Variants in IRAK1 observed in about 807,000 individuals in gnomAD.
IRAK1 encodes the protein interleukin-1 receptor-associated kinase 1.
A neutral mutation model predicts 49.8 loss-of-function variants in IRAK1; 9 were observed. The ratio of observed to expected loss-of-function variants is 0.18; its 90% CI spans 0.11 to 0.32. The LOEUF is 0.32. IRAK1 is among the 10% of genes least tolerant of loss of function. The pLI, the probability that IRAK1 is intolerant of heterozygous loss-of-function variation, is 1.00. For synonymous variants in IRAK1, 282 were observed against 270.8 expected (o/e 1.04, Z -0.41); for missense variants, 418 against 600.5 (o/e 0.70, Z 3.18).
chrX:154,015,145 C>T (rs781962856), intron 10 of IRAK1, among the ~76,000 whole-genome samples: 2 of 112,201 alleles, frequency 1.8e-5, no homozygotes, highest in East Asian at 5.6e-4. Context: ...GGGAGCGCCC[C>T]GAGTCCCAGG....
chrX:154,015,903 A>G, intron 10 of IRAK1, 129 bp downstream of exon 10: 1 of 580,208 alleles, frequency 1.7e-6, no homozygotes, highest in Non-Finnish European at 3.0e-6. Context: ...GCCTACTTTC[A>G]AAAATGAGGC....
At position 154,018,077 on chromosome X, in the gene IRAK1, G is replaced by T; in HGVS notation, c.838C>A (p.Gln280Lys). 1 of 1,211,394 alleles carries T rather than the reference G, an allele frequency of 8.3e-7. No homozygotes were observed. The highest frequency in any genetic ancestry group is 1.1e-6 in the Non-Finnish European group (1 of 894,757). The change falls in exon 7 of 14, where the codon CAG (glutamine) becomes AAG (lysine). Residue 280 changes from glutamine (Q) to lysine (K), a missense_variant. This residue lies in a region of IRAK1 where 377 missense variants were observed against 499.5 expected (regional missense o/e 0.75). Transcript: ENST00000369980. ...TACACCAGGCAGTAGAAGCCGTTCTGAGCACAGTAGCCAGCAAAGTCCACA... is the reference window on the plus strand; with the variant it reads ...TACACCAGGCAGTAGAAGCCGTTCTTAGCACAGTAGCCAGCAAAGTCCACA... The part of the protein sequence containing the change: ...NIVDFAGYCA[Q>K]NGFYCLVYGF...
At position 154,019,456 on chromosome X, in the gene IRAK1, G is replaced by C; in HGVS notation, c.279C>G (p.Leu93=). Reference sequence around the variant, plus strand: ...AGGCTGTGATGATGTCCCGCGCACGGAGCAGCTGCAGGTGCGTGAGGATGT... The same window carrying C: ...AGGCTGTGATGATGTCCCGCGCACGCAGCAGCTGCAGGTGCGTGAGGATGT... ...LVHILTHLQL[L]RARDIITAWH... Residue 93 remains leucine, a synonymous_variant, in exon 2 of 14, where the codon CTC becomes CTG. Coordinates refer to ENST00000369980, the MANE Select transcript of IRAK1 (RefSeq NM_001569.4). The C allele has an allele frequency of 8.8e-7, 1 of 1,137,472 alleles. No homozygotes were observed. Among genetic ancestry groups the C allele is most frequent in the Non-Finnish European group, 1.2e-6 (1 of 846,609 alleles). 93.7% of individuals were successfully genotyped at this position (1,137,472 alleles called of 1,213,427 possible).
intron 4 of IRAK1, 77 bp from the exon 5 acceptor site, chrX:154,018,864 C>A (rs1375233971): frequency 3.8e-6 from 3 of 785,209 alleles, no homozygotes; most frequent in Non-Finnish European, 5.6e-6. Flanking sequence ...CTCCCCACCA[C>A]AGCTGCCTCC....
chrX:154,016,446 G>T lies in IRAK1; in HGVS notation c.1227C>A (p.Ser409Arg), dbSNP rs782665320. 1 of 1,210,611 alleles carries T rather than the reference G, an allele frequency of 8.3e-7. No homozygotes were observed. Among genetic ancestry groups the T allele is most frequent in the Non-Finnish European group, 1.1e-6 (1 of 894,269 alleles). ...GRLAVDTDTF[S>R]FGVVVLETLA... is the part of the protein sequence containing the mutation. ...GGGGTCAGTGGCTCACCACCCCAAA[G>T]CTGAAGGTGTCCGTGTCCACAGCCA... The change falls in exon 9 of 14, where the codon AGC becomes AGA. Residue 409 changes from serine to arginine, a missense_variant. Around this residue, in one of 3 missense-constraint regions of IRAK1, gnomAD observed 377 missense variants for 499.5 expected, o/e 0.75. Transcript: ENST00000369980.
rs782705096 is a variant in IRAK1, at chrX:154,019,762, G to A, written c.51C>T (p.His17=). The change falls in exon 1 of 14, where the codon CAC becomes CAT. Residue 17 remains histidine, a synonymous_variant. Transcript: ENST00000369980. ...PGEPAAPGAQ[H]FLYEVPPWVM... ...CCCAGGGCGGCACCTCGTACAAGAA[G>A]TGCTGGGCGCCGGGGGCTGCGGGCT... is the stretch of plus-strand genomic sequence containing the variant. 4.3e-6 allele frequency: 4 copies of A among 938,738 alleles called. No homozygotes were observed. Among genetic ancestry groups the A allele is most frequent in the African/African-American group, 4.2e-5 (2 of 47,958 alleles). 77.4% of individuals were successfully genotyped at this position (938,738 alleles called of 1,213,427 possible).
Position 154,019,782 on chromosome X carries a change from C to A in IRAK1, c.31G>T (p.Ala11Ser). The change falls in exon 1 of 14, where the codon GCA (alanine) becomes TCA (serine). Residue 11 changes from alanine to serine, a missense_variant. Coordinates refer to ENST00000369980, the MANE Select transcript of IRAK1 (RefSeq NM_001569.4). ...AAGAAGTGCTGGGCGCCGGGGGCTG[C>A]GGGCTCCCCCGGGCCCGGCCCCCCG... MAGGPGPGEP[A>S]APGAQHFLYE... The A allele has an allele frequency of 1.1e-6, 1 of 899,649 alleles. No homozygotes were observed. Among genetic ancestry groups the A allele is most frequent in the Non-Finnish European group, 1.4e-6 (1 of 731,852 alleles). 74.1% of individuals were successfully genotyped at this position (899,649 alleles called of 1,213,427 possible). A position where few individuals can be genotyped will look rare whatever the true frequency, so the allele number is the denominator to read the frequency against.
chrX:154,019,631 A>G, intron 1 of IRAK1, 33 bp from the exon 2 acceptor site: 1 of 966,906 alleles, frequency 1.0e-6, no homozygotes, highest in Non-Finnish European at 1.3e-6. Flanking sequence ...CGTCGGCGCC[A>G]GGAGCCCGCG....
Position 154,019,830 on chromosome X carries a change from C to G in IRAK1, c.-18G>C, listed in dbSNP as rs2065770587. The G allele has an allele frequency of 1.2e-6, 1 of 814,523 alleles. No individual in the cohort carries two copies. The highest frequency in any genetic ancestry group is 1.5e-6 in the Non-Finnish European group (1 of 677,179). 67.1% of individuals were successfully genotyped at this position (814,523 alleles called of 1,213,427 possible). A position where few individuals can be genotyped will look rare whatever the true frequency, so the allele number is the denominator to read the frequency against. On this transcript the variant is annotated 5_prime_UTR_variant, in exon 1 of 14. Transcript: ENST00000369980. The stretch of plus-strand genomic sequence containing the variant: ...CCGGCCATGGCTGCCGCCGCCGGGC[C>G]GGGACCTGCCGGGGCCTCTCAGGGC...
chrX:154,014,371 T>TAAAA (rs146868205), intron 10 of IRAK1, 93 bp from the exon 11 acceptor site: 5 of 530,509 alleles, frequency 9.4e-6, no homozygotes, highest in Admixed American at 5.9e-5. Flanking sequence ...TGGGTTTTGA[T>TAAAA]AAAAAAAAAA....
Position 154,019,445 on chromosome X carries a change from TC to T in IRAK1, c.289del (p.Asp97ThrfsTer134). 1 of 1,124,650 alleles carries T rather than the reference TC, an allele frequency of 8.9e-7. No homozygotes were observed. 92.7% of individuals were successfully genotyped at this position (1,124,650 alleles called of 1,213,427 possible). A position where few individuals can be genotyped will look rare whatever the true frequency, so the allele number is the denominator to read the frequency against. On this transcript the variant is annotated frameshift_variant, in exon 2 of 14. Transcript: ENST00000369980. LOFTEE classifies it high-confidence loss of function. ...LTHLQLLRAR[D>X]IITAWHPPAP... is the part of the protein sequence containing the mutation. ...CCCGCGCTCACAGGCTGTGATGATG[TC>T]CCGCGCACGGAGCAGCTGCAGGTGC...
At position 154,013,419 on chromosome X, in the gene IRAK1, T is replaced by C; in HGVS notation, c.1554A>G (p.Leu518=). The change falls in exon 12 of 14, where the codon CTA becomes CTG. Residue 518 remains leucine (L), a synonymous_variant. Transcript: ENST00000369980. ...CCGCCACCACTGCCTGCAGCTTCTC[T>C]AGCCTCTCGTACACCTGCAAGTGGA... ...RPPMTQVYER[L]EKLQAVVAGV... 9.3e-6 allele frequency: 11 copies of C among 1,185,661 alleles called. No homozygotes were observed. Among genetic ancestry groups the C allele is most frequent in the Non-Finnish European group, 1.2e-5 (11 of 886,144 alleles).
Position 154,013,351 on chromosome X carries a change from G to A in IRAK1, c.1622C>T (p.Ser541Phe). Reference protein sequence around the residue: ...HSEAASCIPPSPQENSYVSST... With the variant: ...HSEAASCIPPFPQENSYVSST... Reference sequence around the variant, plus strand: ...GGACACGTAGGAGTTCTCCTGCGGGGAAGGGGGGATGCAGCTGGCGGCCTC... The same window carrying A: ...GGACACGTAGGAGTTCTCCTGCGGGAAAGGGGGGATGCAGCTGGCGGCCTC... Residue 541 changes from serine (S) to phenylalanine (F), a missense_variant, in exon 12 of 14, where the codon TCC (serine) becomes TTC (phenylalanine). By Grantham distance (155) the Ser-to-Phe change is radical. This residue lies in a region of IRAK1 where 377 missense variants were observed against 499.5 expected (regional missense o/e 0.75). Transcript: ENST00000369980. 8.3e-7 allele frequency: 1 copy of A among 1,205,151 alleles called. No homozygotes were observed.
Position 154,019,415 on chromosome X carries a change from G to A in IRAK1, c.304+16C>T, listed in dbSNP as rs1557130829. 1 of 1,108,598 alleles carries A rather than the reference G, an allele frequency of 9.0e-7. No homozygotes were observed. Among genetic ancestry groups the A allele is most frequent in the Non-Finnish European group, 1.2e-6 (1 of 828,485 alleles). The allele number at this position is 1,108,598 out of a possible 1,213,427, so 91.4% of individuals were successfully genotyped here. ...CCGGCCTCCCAGCCGTGGGGTGCCC[G>A]GAGTCCCGCGCTCACAGGCTGTGAT... On this transcript the variant is annotated intron_variant, in intron 2 of 13. Transcript: ENST00000369980.
At position 154,012,455 on chromosome X, in the gene IRAK1, GGACA is replaced by G. The variant is rs1453291194; in HGVS notation, c.2080+70_2080+73del. On this transcript the variant is annotated intron_variant, in intron 13 of 13. Coordinates refer to ENST00000369980, the MANE Select transcript of IRAK1 (RefSeq NM_001569.4). ...CTGCCCCACGCCCTCAGCGCAGTCG[GGACA>G]GACACTCTGCTCTTTGGGGCTGACA... 73 of 1,117,934 alleles carry G rather than the reference GGACA, an allele frequency of 6.5e-5. No homozygotes were observed. In the African/African-American group the frequency reaches 1.2e-3, roughly 19 times the overall value. The allele number at this position is 1,117,934 out of a possible 1,213,427, so 92.1% of individuals were successfully genotyped here.
intron 6 of IRAK1, 50 bp from the exon 7 acceptor site, chrX:154,018,170 C>A (rs1557129997): frequency 5.4e-6 from 6 of 1,114,222 alleles, no homozygotes; most frequent in Middle Eastern, 2.4e-4. Context: ...GGGTGGGCAG[C>A]CCTGGCTGGG....
chrX:154,018,489 C>T (rs1569547803), intron 5 of IRAK1, 110 bp downstream of exon 5: 12 of 908,490 alleles, frequency 1.3e-5, no homozygotes, highest in Non-Finnish European at 1.9e-5. Context: ...GGACCCTACG[C>T]CAGAATGAGG....
chrX:154,011,424 C>G lies in IRAK1; in HGVS notation c.*435G>C, dbSNP rs1334496476. 3 of 253,574 alleles carry G rather than the reference C, an allele frequency of 1.2e-5. No homozygotes were observed. The East Asian group carries it at 3.1e-4, about 26-fold the overall frequency. 20.9% of individuals were successfully genotyped at this position (253,574 alleles called of 1,213,427 possible). A position where few individuals can be genotyped will look rare whatever the true frequency, so the allele number is the denominator to read the frequency against. On this transcript the variant is annotated 3_prime_UTR_variant, in exon 14 of 14. Coordinates refer to ENST00000369980, the MANE Select transcript of IRAK1 (RefSeq NM_001569.4). ...CAAATTGTAAGCAGGTAGGAGGGCC[C>G]TAGGCCTCGTCGGCCCCATTGTGCA...
chrX:154,019,884 G>A lies in IRAK1; in HGVS notation c.-72C>T. Reference sequence around the variant, plus strand: ...GGCGGGCGCGGGCCTGGGCCGGCCGGGTCCGCGGACACTGACTCACTTCCC... The same window carrying A: ...GGCGGGCGCGGGCCTGGGCCGGCCGAGTCCGCGGACACTGACTCACTTCCC... On this transcript the variant is annotated 5_prime_UTR_variant, in exon 1 of 14. Transcript: ENST00000369980. 1 of 549,412 alleles carries A rather than the reference G, an allele frequency of 1.8e-6. No homozygotes were observed. Among genetic ancestry groups the A allele is most frequent in the South Asian group, 9.0e-5 (1 of 11,061 alleles). The allele number at this position is 549,412 out of a possible 1,213,427, so 45.3% of individuals were successfully genotyped here.
Sources: allele counts gnomAD v4.1 joint callset (sites outside exome capture counted in the v4.1 genomes callset), GRCh38; gene constraint gnomAD v4.1.1; regional missense constraint gnomAD v4.1.1; transcripts MANE v1.5; gene names NCBI Gene and HGNC (gene_info 2026-07-23, HGNC 2026-07-21).